The following ST6GAL2 variants were observed in gnomAD, a reference collection of about 807,000 sequenced individuals.
The protein encoded by ST6GAL2 is ST6 beta-galactoside alpha-2,6-sialyltransferase 2.
Under a neutral mutation model 37.5 loss-of-function variants are expected in ST6GAL2, and 24 were observed. The observed-to-expected ratio is 0.64, with a 90% CI of 0.46 to 0.90. The LOEUF is 0.90. Ranked by LOEUF, ST6GAL2 falls within the 40% of genes least tolerant of loss-of-function variation. The pLI is 0.00. For synonymous variants in ST6GAL2, 306 were observed against 295.1 expected (o/e 1.04, Z -0.38); for missense variants, 715 against 712.7 (o/e 1.00, Z -0.04).
At chr2:106,867,612 T>C (rs559269085) in intron 1 of ST6GAL2, among the ~76,000 whole-genome samples, 4 of 152,260 alleles carry the variant, frequency 2.6e-5, no homozygotes, top group South Asian at 2.1e-4. Flanking sequence ...GCTTTTTTTT[T>C]CCTCCTAATA....
At chr2:106,808,756 A>G (rs1286246558) in intron 5 of ST6GAL2, among the ~76,000 whole-genome samples, 1 of 152,230 alleles carries the variant, frequency 6.6e-6, no homozygotes, top group Non-Finnish European at 1.5e-5. Flanking sequence ...TATACAAGGA[A>G]TTCACATGGT....
chr2:106,885,036 A>G (rs1164763014), intron 1 of ST6GAL2, among the ~76,000 whole-genome samples: 1 of 151,018 alleles, frequency 6.6e-6, no homozygotes, highest in East Asian at 1.9e-4. Flanking sequence ...GTCATAAATT[A>G]TATTTCAAGT....
chr2:106,823,626 T>C lies in ST6GAL2; in HGVS notation c.1318+6440A>G, dbSNP rs143681880. ...GTTGCTAATGAAAGTGCAAAAAGTA[T>C]GTTATGCTTTTTGAGAGGAAGGTGT... On this transcript the variant is annotated intron_variant, in intron 5 of 5. Transcript: ENST00000409382. Among the ~76,000 whole-genome samples, 122 of 152,282 alleles carry C rather than the reference T, an allele frequency of 8.0e-4. 1 individual carries two copies. Among genetic ancestry groups the C allele is most frequent in the African/African-American group, 2.9e-3 (120 of 41,558 alleles).
chr2:106,848,965 C>T (rs1031844951), intron 1 of ST6GAL2, among the ~76,000 whole-genome samples: 3 of 152,144 alleles, frequency 2.0e-5, no homozygotes, highest in African/African-American at 7.2e-5. Context: ...AATCTGTAAC[C>T]AATCAAACAG....
chr2:106,864,979 T>G (rs964298663), intron 1 of ST6GAL2, among the ~76,000 whole-genome samples: 12 of 152,070 alleles, frequency 7.9e-5, no homozygotes, highest in African/African-American at 2.7e-4. Flanking sequence ...GCCCATTCTA[T>G]GGTGTAAACG....
Position 106,862,618 on chromosome 2 carries a change from T to C in ST6GAL2, c.-57-18584A>G, listed in dbSNP as rs575405783. Among the ~76,000 whole-genome samples the C allele has an allele frequency of 4.1e-4, 62 of 149,858 alleles. 1 individual carries two copies. In the South Asian group the frequency reaches 0.012, roughly 30 times the overall value. ...GCTACTATGGGTTTGCACTGAATTA[T>C]GTGAAGAAAAAAAAAAAGCATTTCT... is the stretch of plus-strand genomic sequence containing the variant. On this transcript the variant is annotated intron_variant, in intron 1 of 5. Coordinates refer to ENST00000409382, the MANE Select transcript of ST6GAL2 (RefSeq NM_001142351.2).
intron 1 of ST6GAL2, among the ~76,000 whole-genome samples, chr2:106,883,088 T>C (rs995857377): frequency 6.6e-6 from 1 of 152,192 alleles, no homozygotes; most frequent in Non-Finnish European, 1.5e-5. Flanking sequence ...CACCAACTCC[T>C]GCAAAGCCTT....
At chr2:106,863,369 G>A (rs896914163) in intron 1 of ST6GAL2, among the ~76,000 whole-genome samples, 2 of 152,180 alleles carry the variant, frequency 1.3e-5, no homozygotes, top group Non-Finnish European at 2.9e-5. Flanking sequence ...GAGTGTTTTG[G>A]AGTTCTGTAG....
chr2:106,883,758 CTCAA>C (rs367600168), intron 1 of ST6GAL2, among the ~76,000 whole-genome samples: 24 of 75,230 alleles, frequency 3.2e-4, no homozygotes, highest in African/African-American at 4.0e-4. Flanking sequence ...AAAGAAAAAA[CTCAA>C]TCAATCAGGA....
rs1348045970 is a variant in ST6GAL2 at position 106,830,181 on chromosome 2, G to A, written c.1203C>T (p.Asn401=). The change falls in exon 5 of 6, where the codon AAC becomes AAT. Residue 401 remains asparagine (N), a synonymous_variant. Transcript: ENST00000409382. ...GAAGAATGTAAAATGGCTGATTTGG[G>A]TTTCTCTGACGATGCTGAATATATG... ...FTPYIQHRQR[N]PNQPFYILHP... is the part of the protein sequence containing the mutation. 2 of 1,613,878 alleles carry A rather than the reference G, an allele frequency of 1.2e-6. No homozygotes were observed. Among genetic ancestry groups the A allele is most frequent in the Non-Finnish European group, 8.5e-7 (1 of 1,180,006 alleles).
At chr2:106,827,696 A>G (rs1234802663) in intron 5 of ST6GAL2, among the ~76,000 whole-genome samples, 1 of 152,226 alleles carries the variant, frequency 6.6e-6, no homozygotes, top group East Asian at 1.9e-4. Context: ...TGCACTGTCC[A>G]ATATGGCAGC....
At chr2:106,876,014 A>T (rs1678489397) in intron 1 of ST6GAL2, among the ~76,000 whole-genome samples, 1 of 152,184 alleles carries the variant, frequency 6.6e-6, no homozygotes, top group Non-Finnish European at 1.5e-5. Context: ...CCCCAGGCTG[A>T]AATGCACTGG....
chr2:106,878,001 G>T (rs1364896505), intron 1 of ST6GAL2, among the ~76,000 whole-genome samples: 1 of 152,196 alleles, frequency 6.6e-6, no homozygotes, highest in African/African-American at 2.4e-5. Context: ...AAATTCAGTG[G>T]CTATTGCTTA....
At chr2:106,852,978 C>T (rs921772006) in intron 1 of ST6GAL2, among the ~76,000 whole-genome samples, 6 of 152,178 alleles carry the variant, frequency 3.9e-5, no homozygotes, top group Non-Finnish European at 8.8e-5. Flanking sequence ...CTCCTTAGGC[C>T]TATGAAAGCT....
At chr2:106,840,878 T>C (rs1676852167) in intron 2 of ST6GAL2, among the ~76,000 whole-genome samples, 2 of 152,150 alleles carry the variant, frequency 1.3e-5, no homozygotes, top group African/African-American at 4.8e-5. Context: ...CGGAAGCAAG[T>C]TACTGCCTGC....
At chr2:106,807,141 T>C (rs1032717715) in intron 5 of ST6GAL2, among the ~76,000 whole-genome samples, 192 bp from the exon 6 acceptor site, 5 of 152,064 alleles carry the variant, frequency 3.3e-5, no homozygotes, top group Non-Finnish European at 5.9e-5. Context: ...TGGGGGCATA[T>C]TAAAATGTAA....
chr2:106,868,621 T>G (rs1678133764), intron 1 of ST6GAL2, among the ~76,000 whole-genome samples: 1 of 152,174 alleles, frequency 6.6e-6, no homozygotes, highest in South Asian at 2.1e-4. Context: ...TACTTAGAAC[T>G]GCCGTTATCA....
At chr2:106,867,935 A>G (rs1362630081) in intron 1 of ST6GAL2, among the ~76,000 whole-genome samples, 1 of 152,168 alleles carries the variant, frequency 6.6e-6, no homozygotes, top group Middle Eastern at 3.2e-3. Context: ...TGTAAGTTAA[A>G]TCAATCATAA....
intron 5 of ST6GAL2, among the ~76,000 whole-genome samples, chr2:106,827,366 C>T (rs1397267228): frequency 3.3e-5 from 5 of 152,136 alleles, no homozygotes; most frequent in Non-Finnish European, 5.9e-5. Flanking sequence ...ACTGCAGTCT[C>T]GTGAGTCATC....
Sources: gnomAD v4.1 joint callset for allele counts (sites outside exome capture counted in the v4.1 genomes callset) on GRCh38, gnomAD v4.1.1 for gene constraint, MANE v1.5 for transcripts, NCBI Gene and HGNC (gene_info 2026-07-23, HGNC 2026-07-21) for gene names.